FBXO34: variants seen among roughly 807,000 people sequenced by gnomAD.
The protein encoded by FBXO34 is F-box only protein 34.
Under a neutral mutation model 24.5 loss-of-function variants are expected in FBXO34, and 12 were observed. The observed-to-expected ratio is 0.49, with a 90% CI of 0.31 to 0.79. The LOEUF (loss-of-function observed/expected upper bound fraction) is 0.79, where lower values mean the gene tolerates loss of function less well. Ranked by LOEUF, FBXO34 falls within the 30% of genes least tolerant of loss-of-function variation. FBXO34 has a pLI of 0.04. For missense variants in FBXO34, 823 were observed against 857.7 expected, an observed-to-expected ratio of 0.96 and a Z score of 0.51; for synonymous variants, 320 against 311.9, an observed-to-expected ratio of 1.03 and a Z score of -0.27.
At chr14:55,356,466 G>C (rs1054827767), downstream of FBXO34, among the ~76,000 whole-genome samples, 5 of 152,092 alleles carry the variant, frequency 3.3e-5, no homozygotes, top group African/African-American at 1.2e-4. Context: ...TGTTTGTTTT[G>C]AGATGGAGTC....
chr14:55,345,094 C>T (rs952145613), intron 1 of FBXO34, among the ~76,000 whole-genome samples: 2 of 152,032 alleles, frequency 1.3e-5, no homozygotes, highest in African/African-American at 4.8e-5. Context: ...TCCAGGAGTT[C>T]AGGATGATGA....
At chr14:55,405,889 CGGG>C in the FBXO34 span, among the ~76,000 whole-genome samples, 1 of 39,810 alleles carries the variant, frequency 2.5e-5, no homozygotes, top group African/African-American at 1.2e-4. Context: ...GGTGGGGTGG[CGGG>C]GGGGGCAGGG....
At chr14:55,425,771 C>T in the FBXO34 span, among the ~76,000 whole-genome samples, 3 of 152,172 alleles carry the variant, frequency 2.0e-5, no homozygotes, top group Non-Finnish European at 4.4e-5. Flanking sequence ...GTCTCATAGC[C>T]CCTGAAGGGC....
chr14:55,421,785 A>T, the FBXO34 span, among the ~76,000 whole-genome samples: 1 of 152,182 alleles, frequency 6.6e-6, no homozygotes, highest in African/African-American at 2.4e-5. Context: ...TTGAAGACAC[A>T]TTAATTATTT....
the FBXO34 span, among the ~76,000 whole-genome samples, chr14:55,380,877 T>TA: frequency 4.2e-3 from 184 of 43,646 alleles, no homozygotes; most frequent in African/African-American, 0.016. Context: ...ATATATATAT[T>TA]TTTTTTTTTT....
chr14:55,296,618 G>T (rs974489797), intron 1 of FBXO34, among the ~76,000 whole-genome samples: 10 of 151,782 alleles, frequency 6.6e-5, no homozygotes, highest in African/African-American at 2.4e-4. Flanking sequence ...GGCTGATCTT[G>T]AACTCCTGAC....
the FBXO34 span, among the ~76,000 whole-genome samples, chr14:55,408,417 C>T: frequency 3.9e-5 from 6 of 152,142 alleles, no homozygotes; most frequent in Non-Finnish European, 8.8e-5. Context: ...GATCTTGCCA[C>T]TGCACTGCCT....
the FBXO34 span, chr14:55,378,008 A>G: frequency 6.2e-7 from 1 of 1,612,332 alleles, no homozygotes; most frequent in African/African-American, 1.3e-5. Context: ...GGTAAAGAAT[A>G]TTTGCATTCA....
At chr14:55,402,968 T>TATATATATATATAA in the FBXO34 span, among the ~76,000 whole-genome samples, 4 of 60,984 alleles carry the variant, frequency 6.6e-5, no homozygotes, top group African/African-American at 2.3e-4. Flanking sequence ...TATATATATA[T>TATATATATATATAA]AAATAGCTGG....
chr14:55,289,898 A>G (rs1881886366), intron 1 of FBXO34, among the ~76,000 whole-genome samples: 1 of 152,062 alleles, frequency 6.6e-6, no homozygotes, highest in South Asian at 2.1e-4. Context: ...TCTGTATACT[A>G]TTAGCTTGCT....
chr14:55,399,882 G>C, the FBXO34 span, among the ~76,000 whole-genome samples: 2 of 152,216 alleles, frequency 1.3e-5, no homozygotes, highest in Non-Finnish European at 2.9e-5. Flanking sequence ...TAGCTTAATA[G>C]TGAGCTGGTT....
the FBXO34 span, among the ~76,000 whole-genome samples, chr14:55,390,320 C>T: frequency 6.6e-6 from 1 of 152,138 alleles, no homozygotes; most frequent in South Asian, 2.1e-4. Context: ...ATCCACTCCC[C>T]TCGGCCTCCC....
At chr14:55,327,131 T>A (rs979720590) in intron 1 of FBXO34, among the ~76,000 whole-genome samples, 2 of 152,114 alleles carry the variant, frequency 1.3e-5, no homozygotes, top group Non-Finnish European at 1.5e-5. Flanking sequence ...TAAGATGACA[T>A]TGAGCAAAAG....
At chr14:55,274,231 G>A (rs896898130) in intron 1 of FBXO34, among the ~76,000 whole-genome samples, 1 of 152,182 alleles carries the variant, frequency 6.6e-6, no homozygotes, top group African/African-American at 2.4e-5. Context: ...TAGCAGTTAG[G>A]AAGTTTTTAT....
downstream of FBXO34, among the ~76,000 whole-genome samples, chr14:55,363,162 A>G (rs923162165): frequency 4.7e-5 from 7 of 150,498 alleles, no homozygotes; most frequent in Middle Eastern, 3.4e-3. Flanking sequence ...AGTTGGGATT[A>G]CAAGCACACA....
At chr14:55,391,240 C>T in the FBXO34 span, 1 of 313,410 alleles carries the variant, frequency 3.2e-6, no homozygotes. Context: ...CTTTGGGAGG[C>T]CAAGGAGGGC....
chr14:55,357,924 A>G (rs776601935), downstream of FBXO34, among the ~76,000 whole-genome samples: 3 of 152,250 alleles, frequency 2.0e-5, no homozygotes, highest in Non-Finnish European at 4.4e-5. Context: ...ATTTAATTGT[A>G]TCTGTTCCCT....
intron 1 of FBXO34, among the ~76,000 whole-genome samples, chr14:55,322,769 T>C (rs1279668993): frequency 6.6e-6 from 1 of 152,196 alleles, no homozygotes; most frequent in Non-Finnish European, 1.5e-5. Context: ...CAGTAATTTA[T>C]ATCTTTAGGA....
At chr14:55,321,337 A>G (rs1246725061) in intron 1 of FBXO34, among the ~76,000 whole-genome samples, 3 of 152,066 alleles carry the variant, frequency 2.0e-5, no homozygotes, top group Non-Finnish European at 4.4e-5. Context: ...GATGCCTTCT[A>G]TTCCCTGGCT....
Sources: gnomAD v4.1 joint callset for allele counts (sites outside exome capture counted in the v4.1 genomes callset) on GRCh38, gnomAD v4.1.1 for gene constraint, MANE v1.5 for transcripts, NCBI Gene and HGNC (gene_info 2026-07-23, HGNC 2026-07-21) for gene names.